Variants in PARD3B observed in about 807,000 individuals in gnomAD.
PARD3B encodes the protein par-3 family cell polarity regulator beta.
A neutral mutation model predicts 130.2 loss-of-function variants in PARD3B; 103 were observed. The observed-to-expected ratio is 0.79, with a 90% confidence interval of 0.67 to 0.93. The LOEUF is 0.93. Ranked by LOEUF, PARD3B falls within the 40% of genes least tolerant of loss-of-function variation. The probability of loss-of-function intolerance (pLI) is 0.00; values close to 1 mark genes in which losing one functional copy is unlikely to be tolerated. For synonymous variants in PARD3B, 583 were observed against 553.2 expected (o/e 1.05, Z -0.76); for missense variants, 1,609 against 1,499.2 (o/e 1.07, Z -1.21).
intron 22 of PARD3B, among the ~76,000 whole-genome samples, chr2:205,559,057 T>G (rs2053025678): frequency 6.6e-6 from 1 of 152,120 alleles, no homozygotes; most frequent in African/African-American, 2.4e-5. Context: ...GCTATACAGA[T>G]GAGAATAGTT....
chr2:205,154,354 C>T (rs2033970605), intron 10 of PARD3B, among the ~76,000 whole-genome samples: 1 of 152,176 alleles, frequency 6.6e-6, no homozygotes, highest in Admixed American at 6.5e-5. Flanking sequence ...GAGACACCAT[C>T]TCACACCAAT....
intron 21 of PARD3B, among the ~76,000 whole-genome samples, chr2:205,505,156 C>T (rs568567540): frequency 1.1e-4 from 17 of 151,762 alleles, no homozygotes; most frequent in Admixed American, 1.3e-4. Flanking sequence ...AACCAAACAC[C>T]GCATGTTCTC....
chr2:205,224,132 G>A (rs905063471), intron 15 of PARD3B, among the ~76,000 whole-genome samples: 2 of 150,916 alleles, frequency 1.3e-5, no homozygotes, highest in African/African-American at 4.9e-5. Context: ...CACTTTGGGA[G>A]GCTGAGGCAG....
At chr2:204,982,002 T>A (rs1692710391) in intron 3 of PARD3B, among the ~76,000 whole-genome samples, 1 of 152,068 alleles carries the variant, frequency 6.6e-6, no homozygotes, top group South Asian at 2.1e-4. Context: ...CACATATATA[T>A]GTATATAAAT....
chr2:204,628,323 A>G lies in PARD3B; in HGVS notation c.121-57858A>G, dbSNP rs553754826. Among the ~76,000 whole-genome samples the G allele has an allele frequency of 4.0e-5, 6 of 151,132 alleles. No homozygotes were observed. In the South Asian group the frequency reaches 1.0e-3, roughly 26 times the overall value. On this transcript the variant is annotated intron_variant, in intron 1 of 22. Coordinates refer to ENST00000406610, the MANE Select transcript of PARD3B (RefSeq NM_001302769.2). The stretch of plus-strand genomic sequence containing the variant: ...TTTAGAAAAATAAAGTCAGTGTTCT[A>G]TGGAACAGGTTCTGTAAGGGAAGTT...
intron 20 of PARD3B, among the ~76,000 whole-genome samples, chr2:205,485,033 A>G (rs1044806487): frequency 1.3e-5 from 2 of 152,232 alleles, no homozygotes; most frequent in African/African-American, 2.4e-5. Context: ...AAATTGCTCC[A>G]TGGCAGATAC....
chr2:205,172,533 T>A, intron 12 of PARD3B, 152 bp downstream of exon 12: 1 of 752,742 alleles, frequency 1.3e-6, no homozygotes, highest in Non-Finnish European at 2.1e-6. Flanking sequence ...ATTTTAGGTA[T>A]AATAGAAAGG....
chr2:204,857,573 A>C (rs932019308), intron 2 of PARD3B, among the ~76,000 whole-genome samples: 1 of 152,234 alleles, frequency 6.6e-6, no homozygotes, highest in African/African-American at 2.4e-5. Context: ...TTTTATGCTA[A>C]GTTTGATTAA....
Position 205,287,020 on chromosome 2 carries a change from T to C in PARD3B, c.2186-13510T>C, listed in dbSNP as rs1057034512. Among the ~76,000 whole-genome samples, 8 of 152,294 alleles carry C rather than the reference T, an allele frequency of 5.3e-5. No individual in the cohort carries two copies. Among genetic ancestry groups the C allele is most frequent in the Admixed American group, 3.3e-4 (5 of 15,304 alleles). On this transcript the variant is annotated intron_variant, in intron 16 of 22. Coordinates refer to ENST00000406610, the MANE Select transcript of PARD3B (RefSeq NM_001302769.2). This position sits in a 1 kb window ranked among gnomAD's most constrained non-coding sequence, Gnocchi z 4.8. ...ACCAATGTAATAAAACTCTTCTTGA[T>C]GTAGAAGATTTGTCACTTGTAAAAT...
intron 19 of PARD3B, 107 bp downstream of exon 19, chr2:205,401,230 G>A (rs2046241213): frequency 1.1e-5 from 9 of 854,664 alleles, no homozygotes. Context: ...AAGTATAGGG[G>A]TTGACCGATC....
rs148693217 is a variant in PARD3B at position 205,385,547 on chromosome 2, G to A, written c.2631-15466G>A. On this transcript the variant is annotated intron_variant, in intron 18 of 22. Transcript: ENST00000406610. ...TTCAGTATTCTAAAAAATATACTTA[G>A]CCTGAGTTTTGGAAGCCTAGTGTGA... Among the ~76,000 whole-genome samples the A allele has an allele frequency of 4.8e-3, 734 of 152,160 alleles. 1 individual carries two copies. Among genetic ancestry groups the A allele is most frequent in the Non-Finnish European group, 7.1e-3 (482 of 67,998 alleles).
At chr2:204,554,585 G>C (rs888070838) in intron 1 of PARD3B, among the ~76,000 whole-genome samples, 1 of 150,536 alleles carries the variant, frequency 6.6e-6, no homozygotes, top group Admixed American at 6.7e-5. Flanking sequence ...TTTCCTGTTA[G>C]TATACTGGAG....
At chr2:205,045,125 T>G (rs1698683362) in intron 3 of PARD3B, among the ~76,000 whole-genome samples, 1 of 151,540 alleles carries the variant, frequency 6.6e-6, no homozygotes, top group Admixed American at 6.6e-5. Context: ...TTTTTTTTTT[T>G]TTTATGTTTC....
intron 3 of PARD3B, among the ~76,000 whole-genome samples, chr2:205,037,288 A>G (rs1055832420): frequency 1.5e-5 from 2 of 129,034 alleles, no homozygotes; most frequent in African/African-American, 2.9e-5. Context: ...ATATATATAT[A>G]TAGTGGACTA....
chr2:204,878,238 A>C (rs2045917264), intron 2 of PARD3B, among the ~76,000 whole-genome samples: 1 of 151,978 alleles, frequency 6.6e-6, no homozygotes, highest in African/African-American at 2.4e-5. Context: ...AAAGGACTGA[A>C]GAAATTGCCT....
At position 204,660,693 on chromosome 2, in the gene PARD3B, C is replaced by A. The variant is rs566608883; in HGVS notation, c.121-25488C>A. 3.9e-5 allele frequency among the ~76,000 whole-genome samples: 6 copies of A among 152,226 alleles called. No individual in the cohort carries two copies. The South Asian group carries it at 1.2e-3, about 32-fold the overall frequency. On this transcript the variant is annotated intron_variant, in intron 1 of 22. Transcript: ENST00000406610. ...TTGATCCTTTAAAGAAGTTACTACT[C>A]TTCCTATTTGGTGATTTATCCCCCC...
chr2:204,670,740 G>A (rs963243239), intron 1 of PARD3B, among the ~76,000 whole-genome samples: 3 of 152,090 alleles, frequency 2.0e-5, no homozygotes, highest in Non-Finnish European at 4.4e-5. Context: ...TTATGAGAAT[G>A]CAGCTATTGT....
Position 205,301,962 on chromosome 2 carries a change from A to G in PARD3B, c.2630+261A>G, listed in dbSNP as rs2042018079. 1.4e-6 allele frequency: 1 copy of G among 702,124 alleles called. No homozygotes were observed. The highest frequency in any genetic ancestry group is 1.8e-5 in the African/African-American group (1 of 57,080). The allele number at this position is 702,124 out of a possible 1,614,324, so 43.5% of individuals were successfully genotyped here. On this transcript the variant is annotated intron_variant, in intron 18 of 22. Transcript: ENST00000406610. This position sits in a 1 kb window ranked among gnomAD's most constrained non-coding sequence, Gnocchi z 5.2. ...GCCAGGCACGGTGGCTCATGCCTGTAATCTCAGTACTTTGGGAGGCTGGGA... is the reference window on the plus strand; with the variant it reads ...GCCAGGCACGGTGGCTCATGCCTGTGATCTCAGTACTTTGGGAGGCTGGGA...
At chr2:204,692,882 C>T (rs1440941538) in intron 2 of PARD3B, among the ~76,000 whole-genome samples, 2 of 152,036 alleles carry the variant, frequency 1.3e-5, no homozygotes, top group African/African-American at 2.4e-5. Context: ...TTAAACTCAT[C>T]ATCTTTCAAA....
Sources: allele counts gnomAD v4.1 joint callset (sites outside exome capture counted in the v4.1 genomes callset), GRCh38; gene constraint gnomAD v4.1.1; non-coding constraint Gnocchi (gnomAD v3.1); transcripts MANE v1.5; gene names NCBI Gene and HGNC (gene_info 2026-07-23, HGNC 2026-07-21).